Variants in GFI1B observed in about 807,000 individuals in gnomAD.
The protein encoded by GFI1B is growth factor independent 1B transcriptional repressor, also known as zinc finger protein Gfi-1b.
GFI1B carries 20 observed loss-of-function variants against 35.3 expected under a neutral mutation model. That is an observed-to-expected ratio of 0.57 (90% confidence interval 0.40 to 0.82). The LOEUF (loss-of-function observed/expected upper bound fraction) is 0.82. Ranked by LOEUF, GFI1B falls within the 40% of genes least tolerant of loss-of-function variation. The pLI is 0.00. For synonymous variants in GFI1B, 178 were observed against 177.6 expected, an observed-to-expected ratio of 1.00 and a Z score of -0.02; for missense variants, 430 against 446.3, an observed-to-expected ratio of 0.96 and a Z score of 0.33.
At chr9:132,964,293 C>T (rs1048515780) in intron 1 of GFI1B, among the ~76,000 whole-genome samples, 5 of 152,064 alleles carry the variant, frequency 3.3e-5, no homozygotes, top group Non-Finnish European at 7.4e-5. Context: ...AATTACTTAA[C>T]GGGTACAATA....
chr9:132,948,156 T>C (rs1848149405), intron 1 of GFI1B, among the ~76,000 whole-genome samples: 3 of 152,086 alleles, frequency 2.0e-5, no homozygotes. Context: ...TGACTTGAGC[T>C]GGACTAGAGT....
At chr9:132,984,551 G>A (rs887847576) in intron 1 of GFI1B, among the ~76,000 whole-genome samples, 3 of 152,192 alleles carry the variant, frequency 2.0e-5, no homozygotes, top group Admixed American at 1.3e-4. Context: ...CCTTGGCACA[G>A]GGCTTACCCC....
chr9:132,965,437 C>T (rs1757082646), intron 1 of GFI1B, among the ~76,000 whole-genome samples: 1 of 152,204 alleles, frequency 6.6e-6, no homozygotes, highest in Non-Finnish European at 1.5e-5. Context: ...GAATAGTGGC[C>T]CCCTAAAAAG....
intron 3 of GFI1B, among the ~76,000 whole-genome samples, chr9:132,987,872 T>C (rs1464609060): frequency 2.0e-5 from 3 of 152,118 alleles, no homozygotes; most frequent in Non-Finnish European, 4.4e-5. Flanking sequence ...TGAGACAGTG[T>C]CTCACTCTGT....
intron 1 of GFI1B, among the ~76,000 whole-genome samples, chr9:132,983,100 C>T (rs980409131): frequency 5.3e-5 from 8 of 151,900 alleles, no homozygotes; most frequent in Non-Finnish European, 1.2e-4. Flanking sequence ...TGTCCCTGGC[C>T]TGGCCCCACC....
intron 1 of GFI1B, among the ~76,000 whole-genome samples, chr9:132,957,843 G>C (rs1848304586): frequency 6.6e-6 from 1 of 152,212 alleles, no homozygotes; most frequent in Non-Finnish European, 1.5e-5. Context: ...GCTGGGGAAA[G>C]AGAGGCAAGA....
intron 6 of GFI1B, among the ~76,000 whole-genome samples, chr9:132,990,236 C>T (rs201350500): frequency 4.0e-5 from 6 of 150,454 alleles, no homozygotes; most frequent in Non-Finnish European, 5.9e-5. Context: ...TTCACACATT[C>T]GCTCACTCAT....
At chr9:132,976,787 T>A (rs1564529806), upstream of GFI1B, among the ~76,000 whole-genome samples, 1 of 151,564 alleles carries the variant, frequency 6.6e-6, no homozygotes, top group Non-Finnish European at 1.5e-5. Flanking sequence ...CTAAAAAAAA[T>A]AAAAAAATTA....
chr9:132,989,119 G>A lies in GFI1B; in HGVS notation c.569G>A (p.Arg190Gln), dbSNP rs192854759. The A allele has an allele frequency of 9.7e-5, 156 of 1,613,908 alleles. No homozygotes were observed. Among genetic ancestry groups the A allele is most frequent in the East Asian group, 5.1e-4 (23 of 44,876 alleles). ...GTGCGACGCTCCCATAGTGGGACCC[G>A]GCCCTTCGCCTGTGACATCTGCGGC... Reference protein sequence around the residue: ...VHVRRSHSGTRPFACDICGKT... With the variant: ...VHVRRSHSGTQPFACDICGKT... Residue 190 changes from arginine to glutamine, a missense_variant, in exon 5 of 7, where the codon CGG (arginine) becomes CAG (glutamine). Physicochemically the swap from Arg to Gln is conservative, Grantham distance 43. Transcript: ENST00000372122. This position sits in a 1 kb window ranked among gnomAD's most constrained non-coding sequence, Gnocchi z 6.2.
upstream of GFI1B, among the ~76,000 whole-genome samples, chr9:132,977,733 C>A (rs1470698675): frequency 1.3e-5 from 2 of 152,076 alleles, no homozygotes; most frequent in African/African-American, 2.4e-5. Context: ...AATGCCCCAG[C>A]CAGCTCAGCC....
chr9:132,945,713 G>A (rs944041022), intron 1 of GFI1B: 2 of 154,014 alleles, frequency 1.3e-5, no homozygotes, highest in Admixed American at 6.6e-5. Context: ...ATACTAGGTC[G>A]GTGCAAAAGT....
chr9:132,969,931 C>T (rs771015010), intron 1 of GFI1B, among the ~76,000 whole-genome samples: 1 of 152,098 alleles, frequency 6.6e-6, no homozygotes, highest in Non-Finnish European at 1.5e-5. Flanking sequence ...TTAAAATCTC[C>T]GAAGGCGGCC....
Position 132,989,754 on chromosome 9 carries a change from G to A in GFI1B, c.661G>A (p.Glu221Lys), listed in dbSNP as rs142322678. 25 of 1,613,826 alleles carry A rather than the reference G, an allele frequency of 1.5e-5. No individual in the cohort carries two copies. The highest frequency in any genetic ancestry group is 2.1e-5 in the Non-Finnish European group (25 of 1,179,710). The change falls in exon 6 of 7, where the codon GAG (glutamate) becomes AAG (lysine). Residue 221 changes from glutamate to lysine, a missense_variant. Coordinates refer to ENST00000372122, the MANE Select transcript of GFI1B (RefSeq NM_001377304.1). The surrounding 1 kb of genome is among the most constrained non-coding windows in gnomAD (Gnocchi z 6.2). ...TTTCCTCCGGCAGGAGCGCAGCTTCGAGTGCCGCATGTGCGGCAAGGCCTT... is the reference window on the plus strand; with the variant it reads ...TTTCCTCCGGCAGGAGCGCAGCTTCAAGTGCCGCATGTGCGGCAAGGCCTT... ...THVHSQERSF[E>K]CRMCGKAFKR...
chr9:132,981,157 A>G (rs1848808345), intron 1 of GFI1B, among the ~76,000 whole-genome samples: 1 of 152,146 alleles, frequency 6.6e-6, no homozygotes. Context: ...TCGGCCTCCC[A>G]CAGTGCTGGG....
rs145418687 is a variant in GFI1B at position 132,989,153 on chromosome 9, C to T, written c.603C>T (p.Phe201=). Residue 201 remains phenylalanine, a synonymous_variant, in exon 5 of 7, where the codon TTC becomes TTT. Transcript: ENST00000372122. This position sits in a 1 kb window ranked among gnomAD's most constrained non-coding sequence, Gnocchi z 6.2. ...CCTGTGACATCTGCGGCAAAACCTT[C>T]GGCCACGCTGTGAGCCTGGAGCAGC... is the stretch of plus-strand genomic sequence containing the variant. ...PFACDICGKT[F]GHAVSLEQHT... is the part of the protein sequence containing the mutation. The T allele has an allele frequency of 9.9e-6, 16 of 1,613,894 alleles. No homozygotes were observed. The highest frequency in any genetic ancestry group is 3.3e-5 in the Admixed American group (2 of 60,022).
intron 6 of GFI1B, 125 bp from the exon 7 acceptor site, chr9:132,990,747 G>C: frequency 5.1e-6 from 4 of 783,108 alleles, no homozygotes; most frequent in Non-Finnish European, 8.7e-6. Flanking sequence ...GTGAATGTGA[G>C]TTGGCCATGA....
intron 1 of GFI1B, among the ~76,000 whole-genome samples, chr9:132,969,982 C>A (rs1430195540): frequency 6.6e-6 from 1 of 152,180 alleles, no homozygotes. Flanking sequence ...CAAATCCTGG[C>A]TGCTGGAGGG....
chr9:132,992,112 C>T (rs1432840600), downstream of GFI1B, among the ~76,000 whole-genome samples: 2 of 152,196 alleles, frequency 1.3e-5, no homozygotes, highest in Non-Finnish European at 2.9e-5. Context: ...TTTCCTGTCT[C>T]TCACCTTCCC....
intron 3 of GFI1B, among the ~76,000 whole-genome samples, chr9:132,987,871 G>A (rs1206946783): frequency 6.6e-6 from 1 of 152,054 alleles, no homozygotes; most frequent in Non-Finnish European, 1.5e-5. Flanking sequence ...TTGAGACAGT[G>A]TCTCACTCTG....
Sources: allele counts gnomAD v4.1 joint callset (sites outside exome capture counted in the v4.1 genomes callset), GRCh38; gene constraint gnomAD v4.1.1; non-coding constraint Gnocchi (gnomAD v3.1); transcripts MANE v1.5; gene names NCBI Gene and HGNC (gene_info 2026-07-23, HGNC 2026-07-21).